The following PCDH15 variants were observed in gnomAD, a reference collection of about 807,000 sequenced individuals.
PCDH15 encodes protocadherin-15.
In PCDH15, 129 loss-of-function variants were observed where a neutral mutation model predicts 178.5. That is an observed-to-expected ratio of 0.72 (90% CI 0.63 to 0.84). The LOEUF is 0.84. Ranked by LOEUF, PCDH15 falls within the 40% of genes least tolerant of loss-of-function variation. The pLI is 0.00. For missense variants in PCDH15, 2,230 were observed against 2,099.9 expected, an observed-to-expected ratio of 1.06 and a Z score of -1.21; for synonymous variants, 800 against 732.0, an observed-to-expected ratio of 1.09 and a Z score of -1.50.
intron 3 of PCDH15, among the ~76,000 whole-genome samples, chr10:54,451,566 A>T (rs1174731275): frequency 1.3e-5 from 2 of 151,938 alleles, no homozygotes; most frequent in Non-Finnish European, 2.9e-5. Flanking sequence ...TTGACCTTAA[A>T]TAGAACTGAA....
At chr10:54,396,100 C>T (rs1054297401) in intron 3 of PCDH15, among the ~76,000 whole-genome samples, 1 of 152,142 alleles carries the variant, frequency 6.6e-6, no homozygotes. Flanking sequence ...TATCCCCCTT[C>T]CCCTCTAAAC....
intron 2 of PCDH15, among the ~76,000 whole-genome samples, chr10:55,361,181 C>T (rs886293354): frequency 6.6e-6 from 1 of 151,726 alleles, no homozygotes; most frequent in East Asian, 1.9e-4. Flanking sequence ...AGTGGTTATC[C>T]TTGGTGGTGG....
rs556771834 is a variant in PCDH15, at chr10:54,908,344, C to T, written c.-79-10844G>A. Among the ~76,000 whole-genome samples, 13 of 152,262 alleles carry T rather than the reference C, an allele frequency of 8.5e-5. No homozygotes were observed. The South Asian group carries it at 1.7e-3, about 19-fold the overall frequency. Reference sequence around the variant, plus strand: ...CCTGAGAGACTGTGGTTGGACAAGGCGTACCATAACCAGCTTCTACAGGTG... The same window carrying T: ...CCTGAGAGACTGTGGTTGGACAAGGTGTACCATAACCAGCTTCTACAGGTG... On this transcript the variant is annotated intron_variant, in intron 2 of 5. Transcript: ENST00000458638.
chr10:55,589,974 A>G (rs757089857), intron 2 of PCDH15, among the ~76,000 whole-genome samples: 1,529 of 145,048 alleles, frequency 0.011, 21 homozygotes, highest in Non-Finnish European at 0.016. Flanking sequence ...TATATACCCA[A>G]AGGACTATAA....
At position 53,939,936 on chromosome 10, in the gene PCDH15, T is replaced by C. The variant is rs545024086; in HGVS notation, c.3232+930A>G. ...TCCAAGGAAAAAGGAAATTTAGTTA[T>C]TTTTAGGGAGGACACATAGTAGCAC... is the stretch of plus-strand genomic sequence containing the variant. On this transcript the variant is annotated intron_variant, in intron 24 of 37. Coordinates refer to ENST00000644397, the MANE Select transcript of PCDH15 (RefSeq NM_001384140.1). Among the ~76,000 whole-genome samples, 7 of 152,174 alleles carry C rather than the reference T, an allele frequency of 4.6e-5. No homozygotes were observed. In the East Asian group the frequency reaches 1.4e-3, roughly 29 times the overall value.
chr10:55,158,702 AAAAG>A (rs1284462766), intron 2 of PCDH15, among the ~76,000 whole-genome samples: 1 of 151,748 alleles, frequency 6.6e-6, no homozygotes, highest in African/African-American at 2.4e-5. Flanking sequence ...GTAAAAAAAA[AAAAG>A]AAAGAAAGAA....
At chr10:55,531,706 T>C (rs183544115) in intron 2 of PCDH15, among the ~76,000 whole-genome samples, 1 of 152,050 alleles carries the variant, frequency 6.6e-6, no homozygotes, top group Non-Finnish European at 1.5e-5. Context: ...AGTAATTGAA[T>C]AACAGATGTT....
At chr10:55,473,232 A>C (rs920610824) in intron 2 of PCDH15, among the ~76,000 whole-genome samples, 3 of 152,184 alleles carry the variant, frequency 2.0e-5, no homozygotes. Context: ...CCATCTAAGA[A>C]AGTGTAATTT....
intron 8 of PCDH15, among the ~76,000 whole-genome samples, chr10:54,259,631 AG>A (rs138809678): frequency 0.012 from 1,877 of 152,310 alleles, 18 homozygotes; most frequent in African/African-American, 0.025. Context: ...CTGTTAATGT[AG>A]TGGGCTATTT....
At chr10:54,265,432 G>A (rs10763094) in intron 8 of PCDH15, among the ~76,000 whole-genome samples, 106,659 of 151,456 alleles carry the variant, frequency 0.7, 38,445 homozygotes, top group Middle Eastern at 0.77. Context: ...GTTAACCTTG[G>A]ACATAAATGG....
chr10:54,019,990 T>C (rs1468810497), intron 20 of PCDH15, among the ~76,000 whole-genome samples: 10 of 152,106 alleles, frequency 6.6e-5, no homozygotes, highest in Admixed American at 6.6e-4. Flanking sequence ...ACTGCCTCTT[T>C]CAAATTTATC....
intron 32 of PCDH15, among the ~76,000 whole-genome samples, chr10:53,827,080 T>A (rs1417996583): frequency 6.6e-6 from 1 of 151,658 alleles, no homozygotes; most frequent in Non-Finnish European, 1.5e-5. Context: ...ATATACATTA[T>A]ATATATGTAA....
At chr10:54,074,405 A>C (rs1298042265) in intron 17 of PCDH15, among the ~76,000 whole-genome samples, 1 of 152,098 alleles carries the variant, frequency 6.6e-6, no homozygotes, top group Non-Finnish European at 1.5e-5. Context: ...GTGATTTTTG[A>C]CCATTCTAAG....
intron 2 of PCDH15, among the ~76,000 whole-genome samples, chr10:54,530,132 T>C (rs1354677599): frequency 6.6e-6 from 1 of 152,146 alleles, no homozygotes; most frequent in Non-Finnish European, 1.5e-5. Flanking sequence ...AAAGTAGGCT[T>C]TATGAAGCTA....
chr10:55,267,443 C>CAAAATTAAGTGCAGGTT (rs1842329555), intron 1 of PCDH15, among the ~76,000 whole-genome samples: 2 of 151,964 alleles, frequency 1.3e-5, no homozygotes, highest in African/African-American at 4.8e-5. Flanking sequence ...AAGTGTATGT[C>CAAAATTAAGTGCAGGTT]AGCAAAATTA....
At chr10:53,941,702 T>C (rs2086084302) in intron 23 of PCDH15, among the ~76,000 whole-genome samples, 1 of 152,222 alleles carries the variant, frequency 6.6e-6, no homozygotes, top group Non-Finnish European at 1.5e-5. Context: ...CTGGATTTTA[T>C]AGTAAGACTG....
At chr10:54,160,726 A>G (rs987706426) in intron 13 of PCDH15, among the ~76,000 whole-genome samples, 3 of 152,206 alleles carry the variant, frequency 2.0e-5, no homozygotes, top group African/African-American at 4.8e-5. Context: ...ACAAACACAA[A>G]TTTTTTAAAT....
chr10:54,491,071 C>A (rs754583957), intron 3 of PCDH15, among the ~76,000 whole-genome samples: 11 of 152,088 alleles, frequency 7.2e-5, no homozygotes, highest in Non-Finnish European at 1.6e-4. Context: ...AAGGGAAAGG[C>A]AGCTATCAGC....
At chr10:55,473,214 T>C (rs981579861) in intron 2 of PCDH15, among the ~76,000 whole-genome samples, 2 of 152,162 alleles carry the variant, frequency 1.3e-5, no homozygotes, top group Non-Finnish European at 2.9e-5. Flanking sequence ...CAATGCATTG[T>C]TTTCTGACCA....
Sources: gnomAD v4.1 joint callset for allele counts (sites outside exome capture counted in the v4.1 genomes callset) on GRCh38, gnomAD v4.1.1 for gene constraint, MANE v1.5 for transcripts, NCBI Gene and HGNC (gene_info 2026-07-23, HGNC 2026-07-21) for gene names.